RPL14: variants seen among roughly 807,000 people sequenced by gnomAD.
The protein encoded by RPL14 is large ribosomal subunit protein eL14.
Under a neutral mutation model 25.3 loss-of-function variants are expected in RPL14, and 4 were observed. The ratio of observed to expected loss-of-function variants is 0.16; its 90% CI spans 0.08 to 0.36. RPL14 has a LOEUF of 0.36. RPL14 is among the 10% of genes least tolerant of loss of function. The pLI, the probability that RPL14 is intolerant of heterozygous loss-of-function variation, is 1.00. For missense variants in RPL14, 212 were observed against 261.9 expected, an observed-to-expected ratio of 0.81 and a Z score of 1.31; for synonymous variants, 75 against 89.8, an observed-to-expected ratio of 0.84 and a Z score of 0.93.
At chr3:40,460,292 C>T (rs1486518684) in intron 3 of RPL14, among the ~76,000 whole-genome samples, 2 of 151,930 alleles carry the variant, frequency 1.3e-5, no homozygotes, top group Middle Eastern at 3.2e-3. Flanking sequence ...CTCTGGGAGG[C>T]CAAGGCAGGT....
At position 40,457,469 on chromosome 3, in the gene RPL14, C is replaced by A; in HGVS notation, c.-3C>A. 1 of 1,566,104 alleles carries A rather than the reference C, an allele frequency of 6.4e-7. No individual in the cohort carries two copies. Among genetic ancestry groups the A allele is most frequent in the Admixed American group, 1.9e-5 (1 of 53,446 alleles). On this transcript the variant is annotated 5_prime_UTR_variant, in exon 1 of 6. Coordinates refer to ENST00000396203, the MANE Select transcript of RPL14 (RefSeq NM_001034996.3). ...ACGGCTCCCAGAGGGTCCCGGGAAG[C>A]GCATGGTGAGGGTCCCCGGGCCGGC... is the stretch of plus-strand genomic sequence containing the variant.
Position 40,463,345 on chromosome 3 carries a change from A to G in RPL14, c.*1113A>G, listed in dbSNP as rs1559529812. On this transcript the variant is annotated 3_prime_UTR_variant, in exon 6 of 6. Coordinates refer to ENST00000396203, the MANE Select transcript of RPL14 (RefSeq NM_001034996.3). ...CTCAGCCTTCTGAGTAGTTGGGACT[A>G]TAGGTGTGTGCCACCACGTCTGGCT... 6.6e-6 allele frequency: 1 copy of G among 152,186 alleles called. No individual in the cohort carries two copies. The highest frequency in any genetic ancestry group is 2.4e-5 in the African/African-American group (1 of 41,404). 9.4% of individuals were successfully genotyped at this position (152,186 alleles called of 1,614,324 possible). A position where few individuals can be genotyped will look rare whatever the true frequency, so the allele number is the denominator to read the frequency against.
At chr3:40,458,548 A>T in intron 2 of RPL14, 94 bp from the exon 3 acceptor site, 1 of 892,930 alleles carries the variant, frequency 1.1e-6, no homozygotes, top group Non-Finnish European at 1.8e-6. Flanking sequence ...TGTGGGTTTG[A>T]TGGCCCTGAA....
intron 2 of RPL14, 47 bp from the exon 3 acceptor site, chr3:40,458,595 A>T: frequency 7.0e-7 from 1 of 1,438,554 alleles, no homozygotes; most frequent in Non-Finnish European, 9.8e-7. Context: ...TGACCATTTT[A>T]ATTGCTGTTA....
intron 2 of RPL14, chr3:40,458,210 A>G (rs766065229): frequency 1.2e-5 from 7 of 587,130 alleles, no homozygotes; most frequent in African/African-American, 5.6e-5. Context: ...AGCCAGTTAT[A>G]GGCTGAAACG....
intron 3 of RPL14, 155 bp downstream of exon 3, chr3:40,458,891 C>T (rs549298215): frequency 1.8e-5 from 12 of 649,794 alleles, no homozygotes; most frequent in Non-Finnish European, 3.0e-5. Flanking sequence ...TTTAAAATGT[C>T]TTGCCTGCGC....
rs1696995979 is a variant in RPL14 at position 40,464,292 on chromosome 3, C to G, written c.*2060C>G. On this transcript the variant is annotated 3_prime_UTR_variant, in exon 6 of 6. Coordinates refer to ENST00000396203, the MANE Select transcript of RPL14 (RefSeq NM_001034996.3). ...CATTTTAAATAAATTTGTTTCCTAA[C>G]CAAAAGCTAGCTTCAGGCGTCACTG... 1 of 352,808 alleles carries G rather than the reference C, an allele frequency of 2.8e-6. No individual in the cohort carries two copies. The highest frequency in any genetic ancestry group is 5.6e-6 in the Non-Finnish European group (1 of 178,620). The allele number at this position is 352,808 out of a possible 1,614,324, so 21.9% of individuals were successfully genotyped here.
Position 40,462,104 on chromosome 3 carries a change from C to T in RPL14, c.520C>T (p.Pro174Ser). ...KKITAASKKA[P>S]AQKVPAQKAT... is the part of the protein sequence containing the mutation. ...GATCACCGCCGCGAGTAAAAAGGCT[C>T]CAGCCCAGAAGGTTCCTGCCCAGAA... is the stretch of plus-strand genomic sequence containing the variant. The change falls in exon 6 of 6, where the codon CCA becomes TCA. Residue 174 changes from proline to serine, a missense_variant. By Grantham distance (74) the Pro-to-Ser change is moderately conservative. Around this residue, in one of 3 missense-constraint regions of RPL14, gnomAD observed 66 missense variants for 62.6 expected, o/e 1.05. Coordinates refer to ENST00000396203, the MANE Select transcript of RPL14 (RefSeq NM_001034996.3). The T allele has an allele frequency of 6.2e-7, 1 of 1,611,052 alleles. No homozygotes were observed. The highest frequency in any genetic ancestry group is 8.5e-7 in the Non-Finnish European group (1 of 1,178,494).
chr3:40,468,349 T>C lies in RPL14; in HGVS notation c.*6117T>C, dbSNP rs1490678299. On this transcript the variant is annotated 3_prime_UTR_variant, in exon 6 of 6. Coordinates refer to ENST00000396203, the MANE Select transcript of RPL14 (RefSeq NM_001034996.3). ...CATCAGCAGTAAACAAAGACATTCCTGCCTGGCAGTCTTGAACTCCTGCTA... is the reference window on the plus strand; with the variant it reads ...CATCAGCAGTAAACAAAGACATTCCCGCCTGGCAGTCTTGAACTCCTGCTA... The C allele has an allele frequency of 6.6e-6, 1 of 152,246 alleles. No homozygotes were observed. The highest frequency in any genetic ancestry group is 2.4e-5 in the African/African-American group (1 of 41,460). The allele number at this position is 152,246 out of a possible 1,614,324, so 9.4% of individuals were successfully genotyped here.
Position 40,464,281 on chromosome 3 carries a change from T to A in RPL14, c.*2049T>A. The A allele has an allele frequency of 2.8e-6, 1 of 354,204 alleles. No individual in the cohort carries two copies. The highest frequency in any genetic ancestry group is 5.6e-6 in the Non-Finnish European group (1 of 179,738). 21.9% of individuals were successfully genotyped at this position (354,204 alleles called of 1,614,324 possible). ...GGCCAGGAATACATTTTAAATAAAT[T>A]TGTTTCCTAACCAAAAGCTAGCTTC... is the stretch of plus-strand genomic sequence containing the variant. On this transcript the variant is annotated 3_prime_UTR_variant, in exon 6 of 6. Coordinates refer to ENST00000396203, the MANE Select transcript of RPL14 (RefSeq NM_001034996.3).
At chr3:40,458,018 A>G (rs780361720) in intron 2 of RPL14, 27 bp downstream of exon 2, 4 of 1,583,700 alleles carry the variant, frequency 2.5e-6, no homozygotes, top group South Asian at 1.1e-5. Flanking sequence ...TTTACTAAAC[A>G]TGGCAGTGGA....
At chr3:40,460,739 G>A (rs984253332) in intron 3 of RPL14, among the ~76,000 whole-genome samples, 4 of 151,852 alleles carry the variant, frequency 2.6e-5, no homozygotes, top group Middle Eastern at 3.4e-3. Flanking sequence ...CTGCAACCAC[G>A]CCCAGCTAAT....
At chr3:40,459,862 A>AAG (rs1553649135) in intron 3 of RPL14, among the ~76,000 whole-genome samples, 1 of 148,512 alleles carries the variant, frequency 6.7e-6, no homozygotes, top group African/African-American at 2.5e-5. Context: ...CCGTTTCAAA[A>AAG]AAAAAAAAAA....
rs73080120 is a variant in RPL14, at chr3:40,464,885, A to T, written c.*2653A>T. 1 of 210,758 alleles carries T rather than the reference A, an allele frequency of 4.7e-6. No homozygotes were observed. Among genetic ancestry groups the T allele is most frequent in the Non-Finnish European group, 9.9e-6 (1 of 101,448 alleles). The allele number at this position is 210,758 out of a possible 1,614,324, so 13.1% of individuals were successfully genotyped here. On this transcript the variant is annotated 3_prime_UTR_variant, in exon 6 of 6. Transcript: ENST00000396203. ...ATCTAGGTAAAATGAGTTAGTTTTC[A>T]TGTAGACTATCTGGGTGTATATGCA...
Position 40,463,638 on chromosome 3 carries a change from C to T in RPL14, c.*1406C>T, listed in dbSNP as rs776856019. Reference sequence around the variant, plus strand: ...GACACTACAATTTAAAAATCCCTAGCCTACCCGCATGGTGGGTTATGGTCA... The same window carrying T: ...GACACTACAATTTAAAAATCCCTAGTCTACCCGCATGGTGGGTTATGGTCA... On this transcript the variant is annotated 3_prime_UTR_variant, in exon 6 of 6. Coordinates refer to ENST00000396203, the MANE Select transcript of RPL14 (RefSeq NM_001034996.3). 6.6e-6 allele frequency: 1 copy of T among 152,226 alleles called. No homozygotes were observed. Among genetic ancestry groups the T allele is most frequent in the Non-Finnish European group, 1.5e-5 (1 of 68,048 alleles). The allele number at this position is 152,226 out of a possible 1,614,324, so 9.4% of individuals were successfully genotyped here. A position where few individuals can be genotyped will look rare whatever the true frequency, so the allele number is the denominator to read the frequency against.
At chr3:40,460,164 A>C (rs985860546) in intron 3 of RPL14, among the ~76,000 whole-genome samples, 3 of 152,094 alleles carry the variant, frequency 2.0e-5, no homozygotes, top group African/African-American at 7.2e-5. Context: ...TTTGGCCACA[A>C]ATTGTTACTG....
rs1021803007 is a variant in RPL14, at chr3:40,464,719, G to A, written c.*2487G>A. ...GTATGAAGTTTGGCAGTAATCCAAG[G>A]AAGTGACAGTGGTAATGCCATTTAG... On this transcript the variant is annotated 3_prime_UTR_variant, in exon 6 of 6. Transcript: ENST00000396203. The A allele has an allele frequency of 1.2e-5, 4 of 323,464 alleles. No individual in the cohort carries two copies. The highest frequency in any genetic ancestry group is 2.1e-5 in the African/African-American group (1 of 46,572). 20.0% of individuals were successfully genotyped at this position (323,464 alleles called of 1,614,324 possible). A position where few individuals can be genotyped will look rare whatever the true frequency, so the allele number is the denominator to read the frequency against.
chr3:40,468,582 T>A lies in RPL14; in HGVS notation c.*6350T>A, dbSNP rs1412926481. Reference sequence around the variant, plus strand: ...TTTCAAATAAAATTTAGAATTAGCTTGTCAAGTAAGTTGTCATATTGTGAT... The same window carrying A: ...TTTCAAATAAAATTTAGAATTAGCTAGTCAAGTAAGTTGTCATATTGTGAT... On this transcript the variant is annotated 3_prime_UTR_variant, in exon 6 of 6. Coordinates refer to ENST00000396203, the MANE Select transcript of RPL14 (RefSeq NM_001034996.3). The A allele has an allele frequency of 6.6e-6, 1 of 152,014 alleles. No individual in the cohort carries two copies. The highest frequency in any genetic ancestry group is 1.5e-5 in the Non-Finnish European group (1 of 68,024). The allele number at this position is 152,014 out of a possible 1,614,324, so 9.4% of individuals were successfully genotyped here.
rs1254393880 is a variant in RPL14, at chr3:40,467,885, A to G, written c.*5653A>G. ...AGGCTGGAGTGCAGTGGGTGGGGTGATCTCGGCTCACTGCAACCTCTGCCT... is the reference window on the plus strand; with the variant it reads ...AGGCTGGAGTGCAGTGGGTGGGGTGGTCTCGGCTCACTGCAACCTCTGCCT... On this transcript the variant is annotated 3_prime_UTR_variant, in exon 6 of 6. Coordinates refer to ENST00000396203, the MANE Select transcript of RPL14 (RefSeq NM_001034996.3). The G allele has an allele frequency of 1.3e-5, 2 of 150,804 alleles. No homozygotes were observed. Among genetic ancestry groups the G allele is most frequent in the East Asian group, 3.9e-4 (2 of 5,114 alleles). The allele number at this position is 150,804 out of a possible 1,614,324, so 9.3% of individuals were successfully genotyped here.
Sources: allele counts gnomAD v4.1 joint callset (sites outside exome capture counted in the v4.1 genomes callset), GRCh38; gene constraint gnomAD v4.1.1; regional missense constraint gnomAD v4.1.1; transcripts MANE v1.5; gene names NCBI Gene and HGNC (gene_info 2026-07-23, HGNC 2026-07-21).